The following KIAA1671 variants were observed in gnomAD, a reference collection of about 807,000 sequenced individuals.
KIAA1671 encodes uncharacterized protein KIAA1671.
Under a neutral mutation model 131.2 loss-of-function variants are expected in KIAA1671, and 52 were observed. The ratio of observed to expected loss-of-function variants is 0.40; its 90% CI spans 0.32 to 0.50. The LOEUF (loss-of-function observed/expected upper bound fraction) is 0.50, where lower values mean the gene tolerates loss of function less well. Among genes scored for constraint, KIAA1671 ranks in the 20% least tolerant of loss-of-function variants. The probability of loss-of-function intolerance (pLI) is 0.73; values close to 1 mark genes in which losing one functional copy is unlikely to be tolerated. For synonymous variants in KIAA1671, 1,003 were observed against 961.6 expected (o/e 1.04, Z -0.80); for missense variants, 2,360 against 2,364.2 (o/e 1.00, Z 0.04).
Position 25,098,631 on chromosome 22 carries a change from CG to C in KIAA1671, c.4530+49276del, listed in dbSNP as rs371935627. 8.4e-3 allele frequency among the ~76,000 whole-genome samples: 516 copies of C among 61,612 alleles called. 2 individuals are homozygous for C. Among genetic ancestry groups the C allele is most frequent in the African/African-American group, 0.025 (481 of 19,478 alleles). 40.4% of individuals were successfully genotyped at this position (61,612 alleles called of 152,430 possible). On this transcript the variant is annotated intron_variant, in intron 6 of 12. Coordinates refer to ENST00000358431, the MANE Select transcript of KIAA1671 (RefSeq NM_001145206.2). ...GTTGGAAACAACTGGGTGGAGGGGG[CG>C]GGGGGGGGTTTGCTCTGATTGCCCT...
rs1368967734 is a variant in KIAA1671, at chr22:25,039,233, C to G, written c.2103C>G (p.Leu701=). ...NGELRPYHTP[L]RDKYPLSENH... ...AACTGAGACCGTATCACACGCCTCT[C>G]CGGGACAAATACCCTTTGTCTGAAA... Residue 701 remains leucine (L), a synonymous_variant, in exon 5 of 13, where the codon CTC becomes CTG. Coordinates refer to ENST00000358431, the MANE Select transcript of KIAA1671 (RefSeq NM_001145206.2). 30 of 1,552,166 alleles carry G rather than the reference C, an allele frequency of 1.9e-5. No homozygotes were observed. Among genetic ancestry groups the G allele is most frequent in the Non-Finnish European group, 2.5e-5 (29 of 1,147,128 alleles).
chr22:24,974,685 CTTTT>C (rs34171375), intron 1 of KIAA1671, among the ~76,000 whole-genome samples: 1 of 81,258 alleles, frequency 1.2e-5, no homozygotes, highest in African/African-American at 5.4e-5. Context: ...CAGCTCACCT[CTTTT>C]TTTTTTTTTT....
At chr22:24,960,570 A>C (rs1921963714) in intron 1 of KIAA1671, among the ~76,000 whole-genome samples, 1 of 151,190 alleles carries the variant, frequency 6.6e-6, no homozygotes, top group African/African-American at 2.4e-5. Flanking sequence ...AAAAAGAAAA[A>C]ACTGAATAAT....
At chr22:25,180,924 G>A (rs1471627970) in intron 9 of KIAA1671, among the ~76,000 whole-genome samples, 3 of 152,202 alleles carry the variant, frequency 2.0e-5, no homozygotes, top group African/African-American at 7.2e-5. Flanking sequence ...CCCCCAGCTG[G>A]AACGTGGCAG....
intron 1 of KIAA1671, among the ~76,000 whole-genome samples, chr22:24,981,391 G>A (rs1025430817): frequency 1.2e-4 from 19 of 152,142 alleles, no homozygotes; most frequent in Non-Finnish European, 2.5e-4. Flanking sequence ...ACCCTGGTGT[G>A]TGTCTTTGGT....
Position 25,041,044 on chromosome 22 carries a change from C to T in KIAA1671, c.3914C>T (p.Ser1305Phe). 6.6e-7 allele frequency: 1 copy of T among 1,507,866 alleles called. No individual in the cohort carries two copies. Among genetic ancestry groups the T allele is most frequent in the Non-Finnish European group, 8.9e-7 (1 of 1,126,884 alleles). 93.4% of individuals were successfully genotyped at this position (1,507,866 alleles called of 1,614,324 possible). A position where few individuals can be genotyped will look rare whatever the true frequency, so the allele number is the denominator to read the frequency against. The part of the protein sequence containing the change: ...PFWALPPSAP[S>F]ERYPGGSPIP... The stretch of plus-strand genomic sequence containing the variant: ...TGGGCTCTGCCACCCTCGGCTCCTT[C>T]TGAAAGGTATCCAGGGGGCTCTCCT... Residue 1305 changes from serine (S) to phenylalanine (F), a missense_variant, in exon 5 of 13, where the codon TCT becomes TTT. Physicochemically the swap from Ser to Phe is radical, Grantham distance 155. Transcript: ENST00000358431.
At chr22:25,046,815 G>C (rs1408633226) in intron 5 of KIAA1671, among the ~76,000 whole-genome samples, 1 of 152,238 alleles carries the variant, frequency 6.6e-6, no homozygotes, top group East Asian at 1.9e-4. Flanking sequence ...AGATATCAAT[G>C]ACTGGGCCTC....
At chr22:24,994,371 T>C (rs1015279449) in intron 1 of KIAA1671, among the ~76,000 whole-genome samples, 2 of 152,140 alleles carry the variant, frequency 1.3e-5, no homozygotes, top group Admixed American at 6.5e-5. Context: ...AGGAGCAGGT[T>C]ACCTTGGGGA....
At chr22:24,960,262 T>G (rs960139939) in intron 1 of KIAA1671, among the ~76,000 whole-genome samples, 8 of 151,494 alleles carry the variant, frequency 5.3e-5, no homozygotes, top group African/African-American at 1.9e-4. Context: ...TTTTAAAAGC[T>G]GAATAAGGCC....
intron 6 of KIAA1671, among the ~76,000 whole-genome samples, chr22:25,087,661 C>T (rs1418782603): frequency 6.6e-6 from 1 of 152,202 alleles, no homozygotes; most frequent in Non-Finnish European, 1.5e-5. Flanking sequence ...AGCAGTGTCT[C>T]AGGTCGGGTT....
intron 6 of KIAA1671, among the ~76,000 whole-genome samples, chr22:25,136,738 T>C (rs144847678): frequency 1.1e-3 from 166 of 152,314 alleles, no homozygotes; most frequent in Middle Eastern, 6.8e-3. Flanking sequence ...GGGGCAGAGC[T>C]ATAGACCTTT....
intron 6 of KIAA1671, among the ~76,000 whole-genome samples, chr22:25,130,518 A>G (rs532529723): frequency 1.3e-5 from 2 of 152,378 alleles, no homozygotes; most frequent in African/African-American, 4.8e-5. Flanking sequence ...GCAAAGAGAA[A>G]GAGATTTGTC....
chr22:24,992,333 C>T (rs527779677), intron 1 of KIAA1671, among the ~76,000 whole-genome samples: 8 of 152,206 alleles, frequency 5.3e-5, no homozygotes, highest in Admixed American at 3.3e-4. Context: ...GACAGGGTCT[C>T]AGATGGAGGG....
chr22:25,120,072 A>G (rs1225375325), intron 6 of KIAA1671, among the ~76,000 whole-genome samples: 1 of 152,158 alleles, frequency 6.6e-6, no homozygotes, highest in Non-Finnish European at 1.5e-5. Flanking sequence ...TGCCAGGCAC[A>G]GGTTGTTACT....
rs1411412814 is a variant in KIAA1671, at chr22:25,029,448, C to T, written c.1449C>T (p.Ile483=). The T allele has an allele frequency of 1.3e-6, 2 of 1,551,332 alleles. No individual in the cohort carries two copies. The highest frequency in any genetic ancestry group is 2.7e-5 in the African/African-American group (2 of 73,192). Residue 483 remains isoleucine (I), a synonymous_variant, in exon 3 of 13, where the codon ATC becomes ATT. Transcript: ENST00000358431. ...GGGTTGTGAGCGTTCAGGAACGGAT[C>T]AGAGGCTGGACTGCCGAGAGCTCAG... The part of the protein sequence containing the change: ...EKGVVSVQER[I]RGWTAESSEA...
rs200518738 is a variant in KIAA1671 at position 25,045,683 on chromosome 22, G to A, written c.4396-3547G>A. 9.3e-4 allele frequency among the ~76,000 whole-genome samples: 142 copies of A among 152,128 alleles called. 2 individuals carry two copies. Among genetic ancestry groups the A allele is most frequent in the East Asian group, 4.7e-3 (24 of 5,148 alleles). ...TGGCTCACTGCAACCCCCGCCTCCC[G>A]GGTTCAAGTGATTCTCCTGCCTCAG... On this transcript the variant is annotated intron_variant, in intron 5 of 12. Transcript: ENST00000358431.
At chr22:24,960,002 G>A (rs1015855679) in intron 1 of KIAA1671, among the ~76,000 whole-genome samples, 1 of 151,810 alleles carries the variant, frequency 6.6e-6, no homozygotes, top group Non-Finnish European at 1.5e-5. Flanking sequence ...GCCAGGTGTG[G>A]TGGCGCCTGT....
intron 1 of KIAA1671, chr22:25,013,779 C>A (rs1280395668): frequency 6.6e-6 from 1 of 152,210 alleles, no homozygotes; most frequent in African/African-American, 2.4e-5. Flanking sequence ...TCCAGACTCA[C>A]TTGTCTCTGT....
intron 2 of KIAA1671, among the ~76,000 whole-genome samples, chr22:25,026,577 A>G (rs1434071753): frequency 1.3e-5 from 2 of 152,152 alleles, no homozygotes; most frequent in African/African-American, 2.4e-5. Context: ...CTAAAACCAC[A>G]AAATTACCTG....
Sources: allele counts gnomAD v4.1 joint callset (sites outside exome capture counted in the v4.1 genomes callset), GRCh38; gene constraint gnomAD v4.1.1; transcripts MANE v1.5; gene names NCBI Gene and HGNC (gene_info 2026-07-23, HGNC 2026-07-21).